The following TRIM14 variants were observed in gnomAD, a reference collection of about 807,000 sequenced individuals.
TRIM14 encodes tripartite motif containing 14.
In TRIM14, 28 loss-of-function variants were observed where a neutral mutation model predicts 44.5. The ratio of observed to expected loss-of-function variants is 0.63; its 90% CI spans 0.47 to 0.86. The LOEUF (loss-of-function observed/expected upper bound fraction) is 0.86, where lower values mean the gene tolerates loss of function less well. TRIM14 is among the 40% of genes least tolerant of loss of function. TRIM14 has a pLI of 0.00. For synonymous variants in TRIM14, 299 were observed against 269.2 expected (o/e 1.11, Z -1.08); for missense variants, 607 against 611.1 (o/e 0.99, Z 0.07).
chr9:98,100,793 A>C (rs918818514), intron 2 of TRIM14, among the ~76,000 whole-genome samples: 4 of 152,142 alleles, frequency 2.6e-5, no homozygotes, highest in Admixed American at 2.6e-4. Flanking sequence ...ATTTTAGAAC[A>C]AATTTTTGTA....
chr9:98,039,667 C>G, the TRIM14 span, among the ~76,000 whole-genome samples: 1 of 152,012 alleles, frequency 6.6e-6, no homozygotes. Flanking sequence ...CTACCCAGAT[C>G]GATAAACTGG....
intron 5 of TRIM14, among the ~76,000 whole-genome samples, chr9:98,090,057 G>A (rs1825941306): frequency 6.6e-6 from 1 of 152,272 alleles, no homozygotes; most frequent in African/African-American, 2.4e-5. Context: ...TATGTCTAAG[G>A]TGGGAGAAAA....
At chr9:98,071,368 T>C (rs1407369652) in intron 6 of TRIM14, among the ~76,000 whole-genome samples, 4 of 152,234 alleles carry the variant, frequency 2.6e-5, no homozygotes, top group Non-Finnish European at 4.4e-5. Context: ...GGTCAGATTT[T>C]AAGTTTGAAT....
At chr9:98,116,990 G>A (rs890007927) in intron 1 of TRIM14, among the ~76,000 whole-genome samples, 2 of 152,130 alleles carry the variant, frequency 1.3e-5, no homozygotes, top group African/African-American at 4.8e-5. Context: ...CAGGGAACTA[G>A]AGAGAGAAAA....
rs114314984 is a variant in TRIM14 at position 98,094,893 on chromosome 9, G to A, written c.674C>T (p.Thr225Met). The change falls in exon 4 of 6, where the codon ACG (threonine) becomes ATG (methionine). Residue 225 changes from threonine (T) to methionine (M), a missense_variant. Coordinates refer to ENST00000341469, the MANE Select transcript of TRIM14 (RefSeq NM_014788.4). The stretch of plus-strand genomic sequence containing the variant: ...TTCCTTAAGGCGAATGTCCAATGGC[G>A]TCTGTAATGTACTCTCCACGGCTTC... ...LVEAVESTLQ[T>M]PLDIRLKESI... 4,483 of 1,614,094 alleles carry A rather than the reference G, an allele frequency of 2.8e-3. 106 individuals are homozygous for A. In the African/African-American group the frequency reaches 0.05, roughly 18 times the overall value.
At chr9:98,104,953 T>C (rs1405369308) in intron 2 of TRIM14, among the ~76,000 whole-genome samples, 1 of 152,146 alleles carries the variant, frequency 6.6e-6, no homozygotes, top group African/African-American at 2.4e-5. Context: ...CTGTCCAACC[T>C]TGCCCAGACC....
intron 2 of TRIM14, among the ~76,000 whole-genome samples, chr9:98,109,607 A>G (rs1028330959): frequency 6.6e-6 from 1 of 152,198 alleles, no homozygotes; most frequent in African/African-American, 2.4e-5. Flanking sequence ...TTCCTCCAAG[A>G]GACTGGCAGA....
intron 2 of TRIM14, among the ~76,000 whole-genome samples, chr9:98,107,258 C>A (rs1826649859): frequency 1.3e-5 from 2 of 152,148 alleles, no homozygotes; most frequent in African/African-American, 4.8e-5. Context: ...CAGGCAGGTG[C>A]CATATGACCC....
intron 3 of TRIM14, among the ~76,000 whole-genome samples, chr9:98,097,421 G>A (rs766186637): frequency 5.9e-5 from 9 of 151,942 alleles, no homozygotes; most frequent in East Asian, 1.9e-4. Context: ...TCCTCTCTGC[G>A]TCCTCTCTAT....
At chr9:98,056,622 C>CCCCCGCCCCCG in the TRIM14 span, 22 of 680,248 alleles carry the variant, frequency 3.2e-5, no homozygotes, top group Non-Finnish European at 4.3e-5. Flanking sequence ...CCCGCCCCCG[C>CCCCCGCCCCCG]CCCCCGCCCC....
Position 98,087,045 on chromosome 9 carries a change from A to C in TRIM14, c.*425T>G, listed in dbSNP as rs1202914635. ...GATTCAAGGGACCTCAAGAGACAGA[A>C]GAGTCAGGACTGGATGACTCCCATT... On this transcript the variant is annotated 3_prime_UTR_variant, in exon 6 of 6. Coordinates refer to ENST00000341469, the MANE Select transcript of TRIM14 (RefSeq NM_014788.4). 9.3e-6 allele frequency: 3 copies of C among 321,946 alleles called. No individual in the cohort carries two copies. The Admixed American group carries it at 1.3e-4, about 14-fold the overall frequency. 19.9% of individuals were successfully genotyped at this position (321,946 alleles called of 1,614,324 possible).
chr9:98,109,219 C>CGAGGAGGGAGCAACAGAGGATGAAGGG (rs1406244424), intron 2 of TRIM14, among the ~76,000 whole-genome samples: 1 of 150,966 alleles, frequency 6.6e-6, no homozygotes, highest in Non-Finnish European at 1.5e-5. Context: ...GCCCTCACTG[C>CGAGGAGGGAGCAACAGAGGATGAAGGG]GAGGAGGGAG....
intron 1 of TRIM14, among the ~76,000 whole-genome samples, chr9:98,112,462 T>G (rs368250763): frequency 9.2e-5 from 14 of 152,294 alleles, no homozygotes; most frequent in East Asian, 7.7e-4. Flanking sequence ...CTGTGGAAGA[T>G]TAATCTCACA....
At chr9:98,056,666 G>A in the TRIM14 span, 1 of 1,293,212 alleles carries the variant, frequency 7.7e-7, no homozygotes, top group African/African-American at 1.6e-5. Flanking sequence ...GGGCCTAGGG[G>A]ATTGGCTGCC....
At chr9:98,096,669 T>G (rs1826197750) in intron 3 of TRIM14, among the ~76,000 whole-genome samples, 1 of 152,088 alleles carries the variant, frequency 6.6e-6, no homozygotes. Context: ...CTACCCATTC[T>G]CCAATTCCAA....
chr9:98,037,928 T>C, the TRIM14 span, among the ~76,000 whole-genome samples: 1 of 152,284 alleles, frequency 6.6e-6, no homozygotes, highest in Middle Eastern at 3.4e-3. Flanking sequence ...TGGGATCTCA[T>C]AATGTTGCCC....
At chr9:98,117,028 C>T (rs1015553771) in intron 1 of TRIM14, among the ~76,000 whole-genome samples, 2 of 152,122 alleles carry the variant, frequency 1.3e-5, no homozygotes, top group African/African-American at 4.8e-5. Flanking sequence ...AATCTTAGCA[C>T]ACCTGTTATG....
Position 98,087,703 on chromosome 9 carries a change from G to A in TRIM14, c.1096C>T (p.Arg366Cys). 6.3e-7 allele frequency: 1 copy of A among 1,598,496 alleles called. No homozygotes were observed. The change falls in exon 6 of 6, where the codon CGC (arginine) becomes TGC (cysteine). Residue 366 changes from arginine (R) to cysteine (C), a missense_variant. This residue lies in a region of TRIM14 where 356 missense variants were observed against 323.0 expected (regional missense o/e 1.10). Coordinates refer to ENST00000341469, the MANE Select transcript of TRIM14 (RefSeq NM_014788.4). ...AAGGCCCAGTACTCAAGGTCGTAGCGCTTGAGGCACCAGGACTGGCGGTTG... is the reference window on the plus strand; with the variant it reads ...AAGGCCCAGTACTCAAGGTCGTAGCACTTGAGGCACCAGGACTGGCGGTTG... The part of the protein sequence containing the change: ...GCNRQSWCLK[R>C]YDLEYWAFHD...
intron 6 of TRIM14, chr9:98,076,855 C>T (rs1587923856): frequency 5.2e-6 from 7 of 1,337,796 alleles, no homozygotes; most frequent in African/African-American, 4.4e-5. Flanking sequence ...TTATTCCTTG[C>T]CTGTCATAAC....
Sources: allele counts gnomAD v4.1 joint callset (sites outside exome capture counted in the v4.1 genomes callset), GRCh38; gene constraint gnomAD v4.1.1; regional missense constraint gnomAD v4.1.1; transcripts MANE v1.5; gene names NCBI Gene and HGNC (gene_info 2026-07-23, HGNC 2026-07-21).